EPHA6: variants seen among roughly 807,000 people sequenced by gnomAD.
EPHA6 encodes ephrin type-A receptor 6.
A neutral mutation model predicts 112.0 loss-of-function variants in EPHA6; 50 were observed. The ratio of observed to expected loss-of-function variants is 0.45; its 90% CI spans 0.36 to 0.56. The LOEUF is 0.56. Among genes scored for constraint, EPHA6 ranks in the 20% least tolerant of loss-of-function variants. The pLI is 0.00. For missense variants in EPHA6, 1,280 were observed against 1,417.4 expected, an observed-to-expected ratio of 0.90 and a Z score of 1.56; for synonymous variants, 529 against 490.7, an observed-to-expected ratio of 1.08 and a Z score of -1.03.
intron 14 of EPHA6, among the ~76,000 whole-genome samples, chr3:97,653,402 G>T (rs1417492884): frequency 2.0e-5 from 3 of 151,814 alleles, no homozygotes; most frequent in African/African-American, 4.8e-5. Context: ...TATATGAAAA[G>T]GCAGTCAACA....
intron 7 of EPHA6, among the ~76,000 whole-genome samples, chr3:97,454,080 C>T (rs562176132): frequency 6.6e-6 from 1 of 151,836 alleles, no homozygotes; most frequent in African/African-American, 2.4e-5. Flanking sequence ...TAATCTGTAT[C>T]TTCATCATAT....
At chr3:97,171,473 A>T (rs1003301295) in intron 3 of EPHA6, among the ~76,000 whole-genome samples, 1 of 152,100 alleles carries the variant, frequency 6.6e-6, no homozygotes, top group African/African-American at 2.4e-5. Flanking sequence ...TGAACATAGA[A>T]TTAATAGGAA....
At chr3:97,318,018 G>A (rs1347310885) in intron 5 of EPHA6, among the ~76,000 whole-genome samples, 1 of 151,924 alleles carries the variant, frequency 6.6e-6, no homozygotes, top group African/African-American at 2.4e-5. Flanking sequence ...GGACCTAAGA[G>A]CCAGAGTACT....
intron 3 of EPHA6, among the ~76,000 whole-genome samples, chr3:96,994,728 T>TAGAGAGAGAGAGAGAGAGAGAGAGAGAG (rs1455826302): frequency 1.3e-5 from 1 of 78,854 alleles, no homozygotes; most frequent in African/African-American, 7.6e-5. Context: ...TATATATATA[T>TAGAGAGAGAGAGAGAGAGAGAGAGAGAG]ATATAGAGAG....
chr3:97,619,018 A>G (rs919037221), intron 13 of EPHA6, among the ~76,000 whole-genome samples: 3 of 152,124 alleles, frequency 2.0e-5, no homozygotes, highest in Admixed American at 2.0e-4. Context: ...CCTCAACAAA[A>G]TACTGGCAAA....
At chr3:97,601,759 CTATT>C (rs1425534083) in intron 12 of EPHA6, among the ~76,000 whole-genome samples, 2 of 152,000 alleles carry the variant, frequency 1.3e-5, no homozygotes, top group Non-Finnish European at 1.5e-5. Context: ...ATATGTATGA[CTATT>C]TAACAAATAT....
At chr3:97,378,141 TG>T (rs1165132707) in intron 5 of EPHA6, among the ~76,000 whole-genome samples, 2 of 152,122 alleles carry the variant, frequency 1.3e-5, no homozygotes, top group Non-Finnish European at 2.9e-5. Flanking sequence ...TTCTGTGTGC[TG>T]TCTAGGGACT....
At chr3:97,280,856 T>C (rs2108661976) in intron 5 of EPHA6, among the ~76,000 whole-genome samples, 1 of 152,312 alleles carries the variant, frequency 6.6e-6, no homozygotes, top group East Asian at 1.9e-4. Flanking sequence ...ACTATGAGCA[T>C]ATTAAACATG....
chr3:97,278,641 A>T (rs568114753), intron 5 of EPHA6, among the ~76,000 whole-genome samples: 2 of 152,218 alleles, frequency 1.3e-5, no homozygotes, highest in East Asian at 1.9e-4. Context: ...CACTCTGTCC[A>T]CTGCATATCA....
At chr3:96,934,967 A>G (rs2040504312) in intron 2 of EPHA6, among the ~76,000 whole-genome samples, 1 of 151,858 alleles carries the variant, frequency 6.6e-6, no homozygotes, top group Admixed American at 6.6e-5. Flanking sequence ...GGGATATGAT[A>G]TCATTTATTT....
intron 2 of EPHA6, among the ~76,000 whole-genome samples, chr3:96,934,901 T>G (rs1374032554): frequency 6.6e-6 from 1 of 151,820 alleles, no homozygotes; most frequent in African/African-American, 2.4e-5. Context: ...CTCCTAGCAT[T>G]ATAAAATTAT....
chr3:97,027,404 A>T (rs536294752), intron 3 of EPHA6, among the ~76,000 whole-genome samples: 2 of 152,142 alleles, frequency 1.3e-5, no homozygotes, highest in Non-Finnish European at 2.9e-5. Context: ...AAGTTTACCT[A>T]TGTAATAAAA....
At chr3:96,939,219 G>T (rs961043492) in intron 2 of EPHA6, among the ~76,000 whole-genome samples, 5 of 152,172 alleles carry the variant, frequency 3.3e-5, no homozygotes, top group Non-Finnish European at 7.3e-5. Flanking sequence ...GAATTCGGCT[G>T]TGAATCCATC....
chr3:96,950,696 G>T (rs2041491422), intron 2 of EPHA6, among the ~76,000 whole-genome samples: 1 of 151,980 alleles, frequency 6.6e-6, no homozygotes, highest in Admixed American at 6.6e-5. Flanking sequence ...AATTATTTTT[G>T]AGTGTTGCTA....
chr3:97,497,559 G>A (rs1399431401), intron 10 of EPHA6, among the ~76,000 whole-genome samples: 1 of 151,970 alleles, frequency 6.6e-6, no homozygotes, highest in Non-Finnish European at 1.5e-5. Context: ...CCTATTGTCT[G>A]TCTTCCCTTT....
chr3:97,204,118 A>ATCT (rs1409128674), intron 3 of EPHA6, among the ~76,000 whole-genome samples: 1 of 152,184 alleles, frequency 6.6e-6, no homozygotes, highest in African/African-American at 2.4e-5. Flanking sequence ...AGAACTTAGA[A>ATCT]AAGAGTAAAT....
intron 3 of EPHA6, among the ~76,000 whole-genome samples, chr3:97,167,273 T>C (rs2076563857): frequency 6.6e-6 from 1 of 152,174 alleles, no homozygotes; most frequent in African/African-American, 2.4e-5. Context: ...ATCATTTATC[T>C]TTTCATCTAC....
chr3:97,679,189 G>A (rs941769155), intron 14 of EPHA6, among the ~76,000 whole-genome samples: 4 of 152,092 alleles, frequency 2.6e-5, no homozygotes, highest in Non-Finnish European at 5.9e-5. Flanking sequence ...CCCACTCTGA[G>A]AATGGAATTT....
chr3:97,614,507 T>A lies in EPHA6; in HGVS notation c.2574+3653T>A, dbSNP rs1016184866. Among the ~76,000 whole-genome samples, 4 of 81,338 alleles carry A rather than the reference T, an allele frequency of 4.9e-5. No individual in the cohort carries two copies. The East Asian group carries it at 3.0e-3, about 61-fold the overall frequency. 53.4% of individuals were successfully genotyped at this position (81,338 alleles called of 152,430 possible). ...GCACCACCACACCCAGCTAATTTTTTTTTTTTTTTTTTTTTTTTTGTATTT... is the reference window on the plus strand; with the variant it reads ...GCACCACCACACCCAGCTAATTTTTATTTTTTTTTTTTTTTTTTTGTATTT... On this transcript the variant is annotated intron_variant, in intron 13 of 17. Coordinates refer to ENST00000389672, the MANE Select transcript of EPHA6 (RefSeq NM_001080448.3).
Sources: allele counts gnomAD v4.1 joint callset (sites outside exome capture counted in the v4.1 genomes callset), GRCh38; gene constraint gnomAD v4.1.1; transcripts MANE v1.5; gene names NCBI Gene and HGNC (gene_info 2026-07-23, HGNC 2026-07-21).